MTHFD2L: variants seen among roughly 807,000 people sequenced by gnomAD.
The protein encoded by MTHFD2L is methylenetetrahydrofolate dehydrogenase (NADP+ dependent) 2 like.
A neutral mutation model predicts 34.9 loss-of-function variants in MTHFD2L; 29 were observed. The ratio of observed to expected loss-of-function variants is 0.83; its 90% CI spans 0.62 to 1.13. The LOEUF is 1.13. Ranked by LOEUF, MTHFD2L falls within the 50% of genes most tolerant of loss-of-function variation. The pLI is 0.00. For synonymous variants in MTHFD2L, 167 were observed against 155.7 expected (o/e 1.07, Z -0.54); for missense variants, 481 against 446.5 (o/e 1.08, Z -0.70).
At chr4:74,218,089 A>G (rs763113296) in intron 5 of MTHFD2L, among the ~76,000 whole-genome samples, 1 of 152,052 alleles carries the variant, frequency 6.6e-6, no homozygotes, top group Non-Finnish European at 1.5e-5. Flanking sequence ...AGAATAGAGA[A>G]TTGTGTATTC....
At chr4:74,189,404 A>G (rs1305206323) in intron 3 of MTHFD2L, among the ~76,000 whole-genome samples, 2 of 151,664 alleles carry the variant, frequency 1.3e-5, no homozygotes, top group African/African-American at 4.8e-5. Context: ...GAGCAAGGGG[A>G]AGAAAAGTGA....
intron 1 of MTHFD2L, among the ~76,000 whole-genome samples, chr4:74,174,083 C>G (rs1266836598): frequency 2.0e-5 from 3 of 152,070 alleles, no homozygotes; most frequent in African/African-American, 4.8e-5. Flanking sequence ...TAATAGATAG[C>G]TGTCTTCGTG....
chr4:74,159,963 A>C, intron 1 of MTHFD2L: 2 of 826,656 alleles, frequency 2.4e-6, no homozygotes, highest in Non-Finnish European at 3.2e-6. Flanking sequence ...GTTGGCCCCA[A>C]GGTTGAGAAA....
intron 6 of MTHFD2L, among the ~76,000 whole-genome samples, chr4:74,243,138 A>C (rs548611534): frequency 6.6e-6 from 1 of 152,204 alleles, no homozygotes; most frequent in East Asian, 1.9e-4. Flanking sequence ...CTCCCAAAGG[A>C]TGTGGCCTCT....
chr4:74,210,655 G>A (rs142195637), intron 5 of MTHFD2L, among the ~76,000 whole-genome samples: 1,777 of 152,152 alleles, frequency 0.012, 40 homozygotes, highest in African/African-American at 0.041. Context: ...TTTTTGTTTA[G>A]GATTGTCTTG....
intron 6 of MTHFD2L, among the ~76,000 whole-genome samples, chr4:74,272,061 A>T (rs1746068691): frequency 6.6e-6 from 1 of 152,190 alleles, no homozygotes; most frequent in African/African-American, 2.4e-5. Flanking sequence ...CATCGCTTTG[A>T]TATCTTCAAT....
chr4:74,240,418 A>G (rs1337020743), intron 6 of MTHFD2L, among the ~76,000 whole-genome samples: 2 of 152,208 alleles, frequency 1.3e-5, no homozygotes, highest in Non-Finnish European at 1.5e-5. Flanking sequence ...AAATTTATTT[A>G]TGATCGCAAA....
intron 4 of MTHFD2L, among the ~76,000 whole-genome samples, chr4:74,200,739 C>T (rs1052072159): frequency 6.6e-6 from 1 of 152,144 alleles, no homozygotes; most frequent in Non-Finnish European, 1.5e-5. Flanking sequence ...CTTTGCTTTA[C>T]TTATGAAGAA....
At chr4:74,283,560 A>T (rs1050305109) in intron 7 of MTHFD2L, among the ~76,000 whole-genome samples, 1 of 152,162 alleles carries the variant, frequency 6.6e-6, no homozygotes, top group East Asian at 1.9e-4. Flanking sequence ...CAGTGATATC[A>T]GTTAAATGAT....
At chr4:74,192,738 CTGTTTAAAA>C (rs780955147) in intron 3 of MTHFD2L, among the ~76,000 whole-genome samples, 7 of 151,778 alleles carry the variant, frequency 4.6e-5, no homozygotes, top group Non-Finnish European at 1.0e-4. Flanking sequence ...TGTAAAGTGG[CTGTTTAAAA>C]TGTTTAAAAT....
chr4:74,254,600 A>AG (rs1346524889), intron 6 of MTHFD2L, among the ~76,000 whole-genome samples: 3 of 151,460 alleles, frequency 2.0e-5, no homozygotes, highest in Admixed American at 6.6e-5. Flanking sequence ...AAAAAAAAAA[A>AG]TGCTGAGGGA....
chr4:74,246,263 G>C (rs1251805409), intron 6 of MTHFD2L, among the ~76,000 whole-genome samples: 1 of 151,940 alleles, frequency 6.6e-6, no homozygotes, highest in Admixed American at 6.6e-5. Context: ...TCTTTTGGCT[G>C]CATAAATGTC....
intron 1 of MTHFD2L, among the ~76,000 whole-genome samples, chr4:74,128,786 G>A (rs1465307014): frequency 2.0e-5 from 3 of 152,018 alleles, no homozygotes; most frequent in Admixed American, 2.0e-4. Context: ...GGATTGCATT[G>A]AATCTCTAAA....
At chr4:74,157,362 A>T (rs1724365696), upstream of MTHFD2L, 1 of 282,422 alleles carries the variant, frequency 3.5e-6, no homozygotes, top group African/African-American at 2.3e-5. Flanking sequence ...AGCTGGTTTT[A>T]TCTGTGACTG....
intron 1 of MTHFD2L, among the ~76,000 whole-genome samples, chr4:74,135,013 A>G (rs1722807571): frequency 6.6e-6 from 1 of 152,168 alleles, no homozygotes; most frequent in African/African-American, 2.4e-5. Context: ...GATGTTCAAG[A>G]GAGAGCAGAG....
chr4:74,209,381 T>A (rs1377909081), intron 5 of MTHFD2L, among the ~76,000 whole-genome samples: 3 of 152,074 alleles, frequency 2.0e-5, no homozygotes, highest in African/African-American at 7.2e-5. Context: ...TGTGTGATGT[T>A]CCCCTCCCTG....
At chr4:74,184,831 G>A (rs980518395) in intron 3 of MTHFD2L, among the ~76,000 whole-genome samples, 5 of 151,974 alleles carry the variant, frequency 3.3e-5, no homozygotes, top group African/African-American at 7.2e-5. Context: ...GACCACAATG[G>A]AATTAAATTA....
At chr4:74,182,530 G>A (rs1392281537) in intron 3 of MTHFD2L, among the ~76,000 whole-genome samples, 2 of 152,136 alleles carry the variant, frequency 1.3e-5, no homozygotes, top group Admixed American at 6.5e-5. Flanking sequence ...AAACATACAA[G>A]GGCTGAGTTC....
intron 6 of MTHFD2L, among the ~76,000 whole-genome samples, chr4:74,237,674 T>TAA: frequency 6.6e-6 from 1 of 152,244 alleles, no homozygotes; most frequent in East Asian, 1.9e-4. Context: ...TCCTAGAAGG[T>TAA]AAGGAAGCTC....
Sources: allele counts gnomAD v4.1 joint callset (sites outside exome capture counted in the v4.1 genomes callset), GRCh38; gene constraint gnomAD v4.1.1; transcripts MANE v1.5; gene names NCBI Gene and HGNC (gene_info 2026-07-23, HGNC 2026-07-21).